The following RAD17 variants were observed in gnomAD, a reference collection of about 807,000 sequenced individuals.
The protein encoded by RAD17 is RAD17 checkpoint clamp loader component, also known as cell cycle checkpoint protein RAD17.
A neutral mutation model predicts 81.5 loss-of-function variants in RAD17; 31 were observed. The observed-to-expected ratio is 0.38, with a 90% CI of 0.29 to 0.51. The LOEUF (loss-of-function observed/expected upper bound fraction) is 0.51. Ranked by LOEUF, RAD17 falls within the 20% of genes least tolerant of loss-of-function variation. RAD17 has a pLI of 0.88. For synonymous variants in RAD17, 261 were observed against 266.2 expected (o/e 0.98, Z 0.19); for missense variants, 681 against 781.2 (o/e 0.87, Z 1.53).
At chr5:69,386,541 G>T (rs375795167) in intron 11 of RAD17, 76 bp downstream of exon 11, 89 of 1,349,454 alleles carry the variant, frequency 6.6e-5, no homozygotes, top group Admixed American at 4.4e-4. Context: ...TAAACTGAAG[G>T]AGTGTTATTT....
rs1762981203 is a variant in RAD17, at chr5:69,371,436, T to TTCCC, written c.-279-18_-279-17insTCCC. Reference sequence around the variant, plus strand: ...AGTTTTTCTTCATTTGAGGGCTTCTTCCCCCCCCCCCCCCCAGGTGAATTA... The same window carrying TTCCC: ...AGTTTTTCTTCATTTGAGGGCTTCTTTCCCCCCCCCCCCCCCCCCAGGTGAATTA... On this transcript the variant is annotated splice_polypyrimidine_tract_variant and intron_variant, in intron 2 of 18. Coordinates refer to ENST00000354868, the MANE Select transcript of RAD17 (RefSeq NM_133338.3). 1.8e-5 allele frequency: 5 copies of TTCCC among 282,842 alleles called. No homozygotes were observed. Among genetic ancestry groups the TTCCC allele is most frequent in the African/African-American group, 1.0e-4 (3 of 29,834 alleles). 17.5% of individuals were successfully genotyped at this position (282,842 alleles called of 1,614,324 possible). A position where few individuals can be genotyped will look rare whatever the true frequency, so the allele number is the denominator to read the frequency against.
intron 11 of RAD17, among the ~76,000 whole-genome samples, chr5:69,387,602 A>G (rs1252157561): frequency 2.0e-5 from 3 of 152,320 alleles, no homozygotes; most frequent in Admixed American, 6.5e-5. Context: ...TCACGCCTGT[A>G]ATCTTAACAC....
intron 17 of RAD17, among the ~76,000 whole-genome samples, chr5:69,401,722 T>C (rs1001871193): frequency 1.3e-5 from 2 of 152,032 alleles, no homozygotes; most frequent in African/African-American, 4.8e-5. Context: ...GTGCAGTGGC[T>C]CATGCCTGTA....
At chr5:69,396,366 A>G (rs1485411601) in intron 15 of RAD17, 31 bp from the exon 16 acceptor site, 14 of 1,587,248 alleles carry the variant, frequency 8.8e-6, no homozygotes, top group Non-Finnish European at 1.0e-5. Context: ...TTATAAATCT[A>G]TTTTCTTTCA....
intron 17 of RAD17, among the ~76,000 whole-genome samples, chr5:69,402,531 T>C (rs2150867002): frequency 6.6e-6 from 1 of 151,888 alleles, no homozygotes; most frequent in African/African-American, 2.4e-5. Flanking sequence ...GGCAGGTGCC[T>C]GTAGTCCCAG....
intron 16 of RAD17, among the ~76,000 whole-genome samples, chr5:69,397,217 C>A (rs1764948688): frequency 6.6e-6 from 1 of 152,144 alleles, no homozygotes; most frequent in South Asian, 2.1e-4. Context: ...TCTCTGCTCA[C>A]TGCAACCTCT....
In RAD17 at chr5:69,372,054, T is replaced by C; in HGVS notation, c.-155T>C. On this transcript the variant is annotated 5_prime_UTR_variant, in exon 4 of 19. It removes an upstream start codon present in the reference 5' UTR. Coordinates refer to ENST00000354868, the MANE Select transcript of RAD17 (RefSeq NM_133338.3). ...TTCAGTATATGGGAGTCCACATTTA[T>C]GTAAGAAATGAAACTATAAAATGTA... The C allele has an allele frequency of 7.5e-7, 1 of 1,331,178 alleles. No homozygotes were observed. The highest frequency in any genetic ancestry group is 9.9e-7 in the Non-Finnish European group (1 of 1,008,826). 82.5% of individuals were successfully genotyped at this position (1,331,178 alleles called of 1,614,324 possible).
At position 69,414,087 on chromosome 5, in the gene RAD17, G is replaced by A. The variant is rs1419508918; in HGVS notation, c.1808G>A (p.Gly603Glu). The A allele has an allele frequency of 6.2e-7, 1 of 1,614,222 alleles. No individual in the cohort carries two copies. The highest frequency in any genetic ancestry group is 1.1e-5 in the South Asian group (1 of 91,088). Reference protein sequence around the residue: ...REHGMIDPDSGDEAQLNGGHS... With the variant: ...REHGMIDPDSEDEAQLNGGHS... ...CATGGAATGATAGACCCTGACAGCG[G>A]AGATGAAGCCCAGCTTAATGGAGGA... The change falls in exon 19 of 19, where the codon GGA (glycine) becomes GAA (glutamate). Residue 603 changes from glycine to glutamate, a missense_variant. Transcript: ENST00000354868.
intron 18 of RAD17, among the ~76,000 whole-genome samples, chr5:69,413,679 T>C (rs1766175241): frequency 6.6e-6 from 1 of 152,196 alleles, no homozygotes; most frequent in Admixed American, 6.5e-5. Flanking sequence ...GGATTACAGA[T>C]GCGTGCCACC....
intron 11 of RAD17, among the ~76,000 whole-genome samples, chr5:69,387,596 G>A (rs980026392): frequency 1.3e-5 from 2 of 152,162 alleles, no homozygotes; most frequent in Non-Finnish European, 2.9e-5. Flanking sequence ...GGTGGCTCAC[G>A]CCTGTAATCT....
At chr5:69,381,852 A>G in intron 6 of RAD17, 49 bp from the exon 7 acceptor site, 1 of 1,308,000 alleles carries the variant, frequency 7.6e-7, no homozygotes, top group Non-Finnish European at 1.1e-6. Flanking sequence ...ATAATATTCT[A>G]GCATTCCAGT....
chr5:69,411,595 G>GT (rs1230789810), intron 18 of RAD17, among the ~76,000 whole-genome samples: 1 of 152,140 alleles, frequency 6.6e-6, no homozygotes, highest in South Asian at 2.1e-4. Flanking sequence ...TAGTGTTAAT[G>GT]TTTTTTTCTG....
chr5:69,369,885 C>A lies in RAD17; in HGVS notation c.-465C>A, dbSNP rs1017111219. ...TGGCTGCCCTTTCACCTAGGGTAGT[C>A]CCTGGTCGCCTCCGCTCTTCGCCTA... On this transcript the variant is annotated 5_prime_UTR_variant, in exon 1 of 19. Transcript: ENST00000354868. The A allele has an allele frequency of 1.2e-5, 7 of 608,420 alleles. No individual in the cohort carries two copies. The South Asian group carries it at 1.3e-4, about 11-fold the overall frequency. 37.7% of individuals were successfully genotyped at this position (608,420 alleles called of 1,614,324 possible).
intron 12 of RAD17, among the ~76,000 whole-genome samples, chr5:69,390,343 T>C (rs1186696969): frequency 1.3e-5 from 2 of 152,118 alleles, no homozygotes; most frequent in Non-Finnish European, 2.9e-5. Context: ...GTTCTAAATA[T>C]TAGACTTAAA....
chr5:69,404,564 T>C (rs1265733938), intron 17 of RAD17, among the ~76,000 whole-genome samples: 1 of 151,776 alleles, frequency 6.6e-6, no homozygotes, highest in African/African-American at 2.4e-5. Context: ...GGTCAGGAGA[T>C]CGAGACCAGC....
chr5:69,388,046 T>C (rs987144086), intron 11 of RAD17, among the ~76,000 whole-genome samples: 2 of 152,124 alleles, frequency 1.3e-5, no homozygotes, highest in Non-Finnish European at 2.9e-5. Flanking sequence ...CATTCTCTAC[T>C]ATAAGCATGA....
intron 17 of RAD17, 117 bp downstream of exon 17, chr5:69,400,286 C>T (rs1006001219): frequency 2.2e-5 from 14 of 633,450 alleles, no homozygotes; most frequent in South Asian, 5.1e-5. Flanking sequence ...GGCACGATCT[C>T]GGCTCACTGC....
intron 17 of RAD17, among the ~76,000 whole-genome samples, chr5:69,405,350 CACAA>C (rs1184770023): frequency 6.8e-6 from 1 of 147,416 alleles, no homozygotes; most frequent in Non-Finnish European, 1.5e-5. Flanking sequence ...AAAACACACA[CACAA>C]AAAAAAAAAA....
rs1192191480 is a variant in RAD17, at chr5:69,377,554, TATATGTATATATATATGC to T, written c.351+2848_351+2865del. On this transcript the variant is annotated intron_variant, in intron 6 of 18. Coordinates refer to ENST00000354868, the MANE Select transcript of RAD17 (RefSeq NM_133338.3). Reference sequence around the variant, plus strand: ...GTATATATACGTATATATATGCATATATATGTATATATATATGCATATATATGTATACATATATATATG... The same window carrying T: ...GTATATATACGTATATATATGCATATATATATATGTATACATATATATATG... Among the ~76,000 whole-genome samples, 6 of 19,252 alleles carry T rather than the reference TATATGTATATATATATGC, an allele frequency of 3.1e-4. 3 individuals are homozygous for T. Among genetic ancestry groups the T allele is most frequent in the Non-Finnish European group, 1.2e-3 (6 of 5,102 alleles). The allele number at this position is 19,252 out of a possible 152,430, so 12.6% of individuals were successfully genotyped here.
Sources: allele counts gnomAD v4.1 joint callset (sites outside exome capture counted in the v4.1 genomes callset), GRCh38; gene constraint gnomAD v4.1.1; transcripts MANE v1.5; gene names NCBI Gene and HGNC (gene_info 2026-07-23, HGNC 2026-07-21).